KCNIP4: variants seen among roughly 807,000 people sequenced by gnomAD.
KCNIP4 encodes potassium voltage-gated channel interacting protein 4, also known as Kv channel-interacting protein 4.
A neutral mutation model predicts 34.0 loss-of-function variants in KCNIP4; 12 were observed. That is an observed-to-expected ratio of 0.35 (90% CI 0.23 to 0.57). The LOEUF is 0.57. Among genes scored for constraint, KCNIP4 ranks in the 20% least tolerant of loss-of-function variants. The probability of loss-of-function intolerance (pLI) is 0.83; values close to 1 mark genes in which losing one functional copy is unlikely to be tolerated. For synonymous variants in KCNIP4, 124 were observed against 102.2 expected (o/e 1.21, Z -1.29); for missense variants, 238 against 311.7 (o/e 0.76, Z 1.78).
intron 1 of KCNIP4, among the ~76,000 whole-genome samples, chr4:21,046,738 C>T (rs1422479390): frequency 5.3e-5 from 8 of 152,058 alleles, no homozygotes. Context: ...ATTACAGGCA[C>T]GCGCAACCAC....
chr4:21,314,558 A>T (rs1713531971), intron 1 of KCNIP4, among the ~76,000 whole-genome samples: 1 of 151,550 alleles, frequency 6.6e-6, no homozygotes, highest in East Asian at 1.9e-4. Context: ...GCTGAAGGAT[A>T]TTTTTTTTTA....
chr4:20,920,206 G>A (rs961537594), intron 1 of KCNIP4, among the ~76,000 whole-genome samples: 5 of 152,072 alleles, frequency 3.3e-5, no homozygotes, highest in Non-Finnish European at 7.4e-5. Flanking sequence ...TTTTGCCAAA[G>A]TTACTCAGTT....
chr4:21,890,373 C>T (rs111973925), intron 1 of KCNIP4, among the ~76,000 whole-genome samples: 357 of 152,254 alleles, frequency 2.3e-3, no homozygotes, highest in Non-Finnish European at 3.8e-3. Context: ...TGTGTAAATA[C>T]AGTCTGACTC....
Position 21,486,716 on chromosome 4 carries a change from TA to T in KCNIP4, c.61+461854del, listed in dbSNP as rs559066363. ...TATGTTTCTATAAAAATTGCTAAGA[TA>T]GTACAGATTTCCCATATATGCTGTA... On this transcript the variant is annotated intron_variant, in intron 1 of 8. Transcript: ENST00000382152. Among the ~76,000 whole-genome samples the T allele has an allele frequency of 9.2e-5, 14 of 152,322 alleles. No homozygotes were observed. In the East Asian group the frequency reaches 2.1e-3, roughly 23 times the overall value.
At chr4:21,421,672 G>C (rs895730025) in intron 1 of KCNIP4, among the ~76,000 whole-genome samples, 7 of 152,018 alleles carry the variant, frequency 4.6e-5, no homozygotes, top group Admixed American at 4.6e-4. Flanking sequence ...AGATAAATAA[G>C]TTCTGAATAT....
At chr4:21,001,359 G>A (rs1738121041) in intron 1 of KCNIP4, among the ~76,000 whole-genome samples, 1 of 152,118 alleles carries the variant, frequency 6.6e-6, no homozygotes. Context: ...AAAAAAATTT[G>A]AGTGACCACA....
At chr4:21,321,473 A>G (rs979031277) in intron 1 of KCNIP4, among the ~76,000 whole-genome samples, 1 of 152,166 alleles carries the variant, frequency 6.6e-6, no homozygotes, top group Non-Finnish European at 1.5e-5. Context: ...AGTGTTCTAC[A>G]AGATAGAACT....
chr4:21,588,663 T>A (rs755941528), intron 1 of KCNIP4, among the ~76,000 whole-genome samples: 7 of 150,434 alleles, frequency 4.7e-5, no homozygotes, highest in Non-Finnish European at 8.9e-5. Context: ...GCAGAGGTAC[T>A]CTAAAAAAAT....
intron 1 of KCNIP4, among the ~76,000 whole-genome samples, chr4:21,494,375 G>GA (rs34265335): frequency 4.2e-4 from 63 of 149,686 alleles, no homozygotes; most frequent in African/African-American, 1.3e-3. Flanking sequence ...AATCTAATGG[G>GA]AAAAAAAAAG....
chr4:21,547,134 C>A (rs1738212987), intron 1 of KCNIP4, among the ~76,000 whole-genome samples: 1 of 151,984 alleles, frequency 6.6e-6, no homozygotes, highest in Admixed American at 6.6e-5. Flanking sequence ...AGTAGAAATG[C>A]CAAAATCTGC....
intron 1 of KCNIP4, among the ~76,000 whole-genome samples, chr4:21,806,385 C>T (rs1721301171): frequency 6.6e-6 from 1 of 152,096 alleles, no homozygotes; most frequent in Non-Finnish European, 1.5e-5. Flanking sequence ...CAACAGTGAC[C>T]TGTAGTTATT....
At position 20,910,353 on chromosome 4, in the gene KCNIP4, C is replaced by T. The variant is rs77313249; in HGVS notation, c.62-27644G>A. 5.7e-3 allele frequency among the ~76,000 whole-genome samples: 867 copies of T among 151,976 alleles called. 6 individuals carry two copies. Among genetic ancestry groups the T allele is most frequent in the Non-Finnish European group, 9.0e-3 (610 of 67,978 alleles). On this transcript the variant is annotated intron_variant, in intron 1 of 8. Coordinates refer to ENST00000382152, the MANE Select transcript of KCNIP4 (RefSeq NM_025221.6). ...TTTTAATAATAATGTACACCTTTGT[C>T]AACAGTACATGGCCAAGTACAATTA...
chr4:21,299,435 A>G (rs1287568761), intron 1 of KCNIP4, among the ~76,000 whole-genome samples: 1 of 152,130 alleles, frequency 6.6e-6, no homozygotes, highest in African/African-American at 2.4e-5. Flanking sequence ...AAGATGAACC[A>G]TAAGAGACCC....
chr4:21,518,548 C>A (rs1734962827), intron 1 of KCNIP4, among the ~76,000 whole-genome samples: 1 of 151,994 alleles, frequency 6.6e-6, no homozygotes, highest in African/African-American at 2.4e-5. Context: ...CTCAGGGAGG[C>A]CTGAGGACAC....
chr4:21,599,214 T>C (rs898246831), intron 1 of KCNIP4, among the ~76,000 whole-genome samples: 1 of 152,210 alleles, frequency 6.6e-6, no homozygotes, highest in African/African-American at 2.4e-5. Context: ...AAACAAATAA[T>C]ACATTTTGAA....
At chr4:20,815,214 A>G (rs1716230654) in intron 3 of KCNIP4, among the ~76,000 whole-genome samples, 1 of 152,194 alleles carries the variant, frequency 6.6e-6, no homozygotes. Flanking sequence ...CACTAGGAAA[A>G]ATAAGGAAAT....
At chr4:21,658,239 A>T (rs1748133390) in intron 1 of KCNIP4, among the ~76,000 whole-genome samples, 1 of 152,198 alleles carries the variant, frequency 6.6e-6, no homozygotes, top group South Asian at 2.1e-4. Context: ...ACTTTTAAAG[A>T]CCTCATTAAA....
At chr4:21,234,218 T>TAAC (rs1759106809) in intron 1 of KCNIP4, among the ~76,000 whole-genome samples, 1 of 100,720 alleles carries the variant, frequency 9.9e-6, no homozygotes, top group Admixed American at 1.2e-4. Context: ...ACGTATATTA[T>TAAC]ATATAACATA....
At chr4:21,632,606 T>C (rs1181132131) in intron 1 of KCNIP4, among the ~76,000 whole-genome samples, 1 of 152,212 alleles carries the variant, frequency 6.6e-6, no homozygotes, top group Non-Finnish European at 1.5e-5. Flanking sequence ...TTTCAATAAA[T>C]ATCTGTCCCA....
Sources: allele counts gnomAD v4.1 joint callset (sites outside exome capture counted in the v4.1 genomes callset), GRCh38; gene constraint gnomAD v4.1.1; transcripts MANE v1.5; gene names NCBI Gene and HGNC (gene_info 2026-07-23, HGNC 2026-07-21).